The following TGFA variants were observed in gnomAD, a reference collection of about 807,000 sequenced individuals.
TGFA encodes protransforming growth factor alpha.
TGFA carries 12 observed loss-of-function variants against 21.7 expected under a neutral mutation model. The observed-to-expected ratio is 0.55, with a 90% confidence interval of 0.35 to 0.90. The LOEUF (loss-of-function observed/expected upper bound fraction) is 0.90, where lower values mean the gene tolerates loss of function less well. TGFA is among the 40% of genes least tolerant of loss of function. TGFA has a pLI of 0.01. For synonymous variants in TGFA, 79 were observed against 88.1 expected (o/e 0.90, Z 0.58); for missense variants, 178 against 210.8 (o/e 0.84, Z 0.96).
intron 1 of TGFA, among the ~76,000 whole-genome samples, chr2:70,515,993 T>C (rs1443237696): frequency 2.6e-5 from 4 of 152,204 alleles, no homozygotes; most frequent in Non-Finnish European, 5.9e-5. Flanking sequence ...GTGTGACCTA[T>C]ACAGGTTGCA....
chr2:70,550,746 G>A (rs1214857194), intron 1 of TGFA, among the ~76,000 whole-genome samples: 1 of 152,168 alleles, frequency 6.6e-6, no homozygotes, highest in African/African-American at 2.4e-5. Flanking sequence ...GCGTGAACCC[G>A]GGAGGCGGAG....
chr2:70,465,848 G>A, intron 2 of TGFA, 112 bp from the exon 3 acceptor site: 1 of 1,480,174 alleles, frequency 6.8e-7, no homozygotes, highest in Non-Finnish European at 9.1e-7. Context: ...GGGACTTTGG[G>A]TTCTCACCTG....
At chr2:70,528,351 G>A (rs780552016) in intron 1 of TGFA, among the ~76,000 whole-genome samples, 1 of 152,132 alleles carries the variant, frequency 6.6e-6, no homozygotes, top group South Asian at 2.1e-4. Context: ...GACCAGCTTC[G>A]GTCAGTAGCT....
chr2:70,451,504 A>G (rs781827474), intron 5 of TGFA, among the ~76,000 whole-genome samples: 2 of 152,062 alleles, frequency 1.3e-5, no homozygotes, highest in Non-Finnish European at 2.9e-5. Flanking sequence ...TCTGAGGGAG[A>G]GGGACTTCAG....
chr2:70,514,717 TGAG>T, intron 2 of TGFA, 139 bp downstream of exon 2: 1 of 891,906 alleles, frequency 1.1e-6, no homozygotes. Context: ...TCCTCGCCCC[TGAG>T]GAGGGGGCAG....
At chr2:70,512,666 C>T (rs1672138512) in intron 2 of TGFA, among the ~76,000 whole-genome samples, 1 of 152,230 alleles carries the variant, frequency 6.6e-6, no homozygotes. Context: ...GGTCTGCCCA[C>T]ATCTGCCCAG....
chr2:70,473,939 C>T (rs13384516), intron 2 of TGFA, among the ~76,000 whole-genome samples: 2 of 152,104 alleles, frequency 1.3e-5, no homozygotes, highest in Non-Finnish European at 1.5e-5. Context: ...CCATTTTTGT[C>T]TCTATCATTC....
chr2:70,482,111 AT>A (rs35836290), intron 2 of TGFA, among the ~76,000 whole-genome samples: 71,799 of 147,712 alleles, frequency 0.49, 17,020 homozygotes, highest in East Asian at 0.58. Context: ...GAAAATTCTG[AT>A]TTTTTTTTTT....
chr2:70,543,077 T>C (rs1276482614), intron 1 of TGFA, among the ~76,000 whole-genome samples: 11 of 152,040 alleles, frequency 7.2e-5, no homozygotes, highest in African/African-American at 2.7e-4. Context: ...CACTCCAGCC[T>C]GGGTAACAAG....
intron 1 of TGFA, among the ~76,000 whole-genome samples, chr2:70,527,686 C>T (rs1375774956): frequency 6.6e-6 from 1 of 152,138 alleles, no homozygotes; most frequent in African/African-American, 2.4e-5. Flanking sequence ...ACATATCACA[C>T]CAATGCAGGA....
intron 1 of TGFA, among the ~76,000 whole-genome samples, chr2:70,528,518 G>A (rs1353307144): frequency 6.6e-6 from 1 of 151,706 alleles, no homozygotes; most frequent in Non-Finnish European, 1.5e-5. Flanking sequence ...AGAACGATGT[G>A]GGGGGCGGGT....
chr2:70,513,342 G>A (rs782415264), intron 2 of TGFA, among the ~76,000 whole-genome samples: 19 of 152,148 alleles, frequency 1.2e-4, no homozygotes, highest in Non-Finnish European at 2.6e-4. Flanking sequence ...GCATGGTGAA[G>A]TTACTAAGCT....
chr2:70,496,590 AC>A lies in TGFA; in HGVS notation c.94+18268del, dbSNP rs530069724. On this transcript the variant is annotated intron_variant, in intron 2 of 5. Coordinates refer to ENST00000295400, the MANE Select transcript of TGFA (RefSeq NM_003236.4). ...GGCTCTTTGTGACTTACTAATTCTG[AC>A]CTTGGGCAAGTCACTGAAACTCTCT... is the stretch of plus-strand genomic sequence containing the variant. Among the ~76,000 whole-genome samples the A allele has an allele frequency of 8.6e-4, 131 of 152,328 alleles. 3 individuals are homozygous for A. In the South Asian group the frequency reaches 0.027, roughly 32 times the overall value.
chr2:70,549,406 T>C (rs1673417294), intron 1 of TGFA, among the ~76,000 whole-genome samples: 1 of 152,230 alleles, frequency 6.6e-6, no homozygotes, highest in South Asian at 2.1e-4. Flanking sequence ...GGGTCCCTTC[T>C]GCCCTTTCCC....
chr2:70,469,367 C>T (rs1010128705), intron 2 of TGFA, among the ~76,000 whole-genome samples: 3 of 152,092 alleles, frequency 2.0e-5, no homozygotes, highest in African/African-American at 2.4e-5. Flanking sequence ...CAGGGTCTCA[C>T]TTCATCATCC....
intron 5 of TGFA, among the ~76,000 whole-genome samples, chr2:70,452,234 T>C (rs541299974): frequency 6.6e-6 from 1 of 152,244 alleles, no homozygotes; most frequent in East Asian, 1.9e-4. Context: ...CAAGAAGAAC[T>C]TTACGATGGG....
At chr2:70,523,546 C>T (rs534757957) in intron 1 of TGFA, among the ~76,000 whole-genome samples, 4 of 152,260 alleles carry the variant, frequency 2.6e-5, no homozygotes, top group South Asian at 2.1e-4. Context: ...TACTGCCTGA[C>T]GTCATTTCTA....
chr2:70,505,734 A>C (rs534427915), intron 2 of TGFA, among the ~76,000 whole-genome samples: 1 of 152,320 alleles, frequency 6.6e-6, no homozygotes, highest in South Asian at 2.1e-4. Context: ...CATTGTGAAT[A>C]GAACTGAGGC....
chr2:70,541,494 T>C (rs1673129357), intron 1 of TGFA, among the ~76,000 whole-genome samples: 1 of 152,160 alleles, frequency 6.6e-6, no homozygotes, highest in African/African-American at 2.4e-5. Context: ...TGGGGGTGTT[T>C]TTACACGCTG....
Sources: allele counts gnomAD v4.1 joint callset (sites outside exome capture counted in the v4.1 genomes callset), GRCh38; gene constraint gnomAD v4.1.1; transcripts MANE v1.5; gene names NCBI Gene and HGNC (gene_info 2026-07-23, HGNC 2026-07-21).